COL4A2: variants seen among roughly 807,000 people sequenced by gnomAD.
COL4A2 encodes collagen alpha-2(IV) chain.
In COL4A2, 99 loss-of-function variants were observed where a neutral mutation model predicts 200.2. The ratio of observed to expected loss-of-function variants is 0.49; its 90% CI spans 0.42 to 0.58. COL4A2 has a LOEUF of 0.58. Ranked by LOEUF, COL4A2 falls within the 20% of genes least tolerant of loss-of-function variation. COL4A2 has a pLI of 0.00. For synonymous variants in COL4A2, 897 were observed against 900.6 expected (o/e 1.00, Z 0.07); for missense variants, 1,950 against 2,314.1 (o/e 0.84, Z 3.23).
intron 4 of COL4A2, among the ~76,000 whole-genome samples, chr13:110,390,758 GAGAAGCGACAGGGCAGCC>G: frequency 2.1e-5 from 1 of 48,418 alleles, no homozygotes; most frequent in African/African-American, 1.3e-4. Flanking sequence ...GTACAGGCCT[GAGAAGCGACAGGGCAGCC>G]TGCGGTTACA....
chr13:110,496,311 C>T (rs151105538), intron 40 of COL4A2, among the ~76,000 whole-genome samples: 24 of 152,334 alleles, frequency 1.6e-4, no homozygotes, highest in South Asian at 6.2e-4. Context: ...AGGGATGTCT[C>T]GAGGCTTGCA....
At chr13:110,369,598 C>A (rs150939354) in intron 4 of COL4A2, among the ~76,000 whole-genome samples, 1 of 152,144 alleles carries the variant, frequency 6.6e-6, no homozygotes, top group Non-Finnish European at 1.5e-5. Flanking sequence ...GAATGCCCAT[C>A]GGTAGCACTC....
chr13:110,336,679 AG>A (rs1876206644), intron 3 of COL4A2, among the ~76,000 whole-genome samples: 1 of 152,184 alleles, frequency 6.6e-6, no homozygotes, highest in African/African-American at 2.4e-5. Context: ...CATGGACCTC[AG>A]GGGGTGGCAT....
At chr13:110,490,668 G>T (rs8002268) in intron 36 of COL4A2, among the ~76,000 whole-genome samples, 1 of 152,096 alleles carries the variant, frequency 6.6e-6, no homozygotes, top group African/African-American at 2.4e-5. Flanking sequence ...GCCATCCGGC[G>T]CTGGGCTGGC....
At chr13:110,463,295 G>A (rs1882106582) in intron 24 of COL4A2, 1 of 152,056 alleles carries the variant, frequency 6.6e-6, no homozygotes, top group East Asian at 1.9e-4. Context: ...TCTGTCTCTG[G>A]GCCCAAATTT....
chr13:110,417,831 G>A (rs1256356521), intron 4 of COL4A2, among the ~76,000 whole-genome samples: 1 of 152,022 alleles, frequency 6.6e-6, no homozygotes, highest in Non-Finnish European at 1.5e-5. Context: ...AATCCCAGGA[G>A]TGAGCTAATT....
intron 4 of COL4A2, among the ~76,000 whole-genome samples, chr13:110,390,019 G>T (rs752758483): frequency 6.6e-6 from 1 of 152,132 alleles, no homozygotes; most frequent in Non-Finnish European, 1.5e-5. Context: ...TTTATTAAAT[G>T]CCTATTTTAT....
At chr13:110,367,063 G>C (rs1877786121) in intron 4 of COL4A2, among the ~76,000 whole-genome samples, 1 of 152,150 alleles carries the variant, frequency 6.6e-6, no homozygotes, top group Admixed American at 6.5e-5. Flanking sequence ...GTCCAGCCTA[G>C]AGGTTTGCAT....
intron 4 of COL4A2, among the ~76,000 whole-genome samples, chr13:110,379,471 G>A (rs1878376062): frequency 6.6e-6 from 1 of 152,208 alleles, no homozygotes; most frequent in African/African-American, 2.4e-5. Context: ...CCTACTGTGT[G>A]TCAGGCTCTG....
intron 3 of COL4A2, among the ~76,000 whole-genome samples, chr13:110,311,223 G>A (rs957523545): frequency 3.3e-5 from 5 of 152,184 alleles, no homozygotes; most frequent in African/African-American, 4.8e-5. Context: ...AAAGGAAGCC[G>A]AAATCCCACG....
At chr13:110,316,883 G>A (rs950082865) in intron 3 of COL4A2, among the ~76,000 whole-genome samples, 1 of 152,130 alleles carries the variant, frequency 6.6e-6, no homozygotes, top group African/African-American at 2.4e-5. Flanking sequence ...TGTGGTACAT[G>A]TAAAACATAG....
Position 110,429,891 on chromosome 13 carries a change from C to G in COL4A2, c.484C>G (p.Gln162Glu). ...CAATATATCTGCTAATTAGGGGCCC[C>G]AAGGACCAAAAGGGCAGAAAGGTGA... The part of the protein sequence containing the change: ...SEGFTGPPGP[Q>E]GPKGQKGEPY... Residue 162 changes from glutamine to glutamate, a missense_variant, in exon 8 of 48, where the codon CAA becomes GAA. Gln to Glu is a conservative substitution (Grantham distance 29). Transcript: ENST00000360467. 2 of 1,612,920 alleles carry G rather than the reference C, an allele frequency of 1.2e-6. No homozygotes were observed. The highest frequency in any genetic ancestry group is 1.7e-6 in the Non-Finnish European group (2 of 1,179,592).
intron 27 of COL4A2, among the ~76,000 whole-genome samples, chr13:110,468,774 C>G (rs1200265592): frequency 1.3e-5 from 2 of 152,112 alleles, no homozygotes; most frequent in African/African-American, 4.8e-5. Context: ...TTCTGGAGCC[C>G]ACACACTGGG....
At chr13:110,373,731 ACT>A (rs1878116758) in intron 4 of COL4A2, among the ~76,000 whole-genome samples, 1 of 152,054 alleles carries the variant, frequency 6.6e-6, no homozygotes, top group Non-Finnish European at 1.5e-5. Flanking sequence ...ATTATATCAA[ACT>A]CTGCCAAACT....
chr13:110,397,521 A>T (rs1400822976), intron 4 of COL4A2, among the ~76,000 whole-genome samples: 1 of 152,230 alleles, frequency 6.6e-6, no homozygotes, highest in Non-Finnish European at 1.5e-5. Flanking sequence ...AGTTTTTAAG[A>T]ACATCGTAGG....
At chr13:110,341,436 G>A (rs1295620330) in intron 3 of COL4A2, among the ~76,000 whole-genome samples, 1 of 152,234 alleles carries the variant, frequency 6.6e-6, no homozygotes, top group African/African-American at 2.4e-5. Flanking sequence ...AGGATTTACT[G>A]TTCAGGGCTG....
intron 47 of COL4A2, among the ~76,000 whole-genome samples, chr13:110,510,548 G>C (rs1884048751): frequency 6.6e-6 from 1 of 152,258 alleles, no homozygotes; most frequent in African/African-American, 2.4e-5. Flanking sequence ...ACATTGGAAA[G>C]GGTGCGTGTG....
intron 12 of COL4A2, 91 bp downstream of exon 12, chr13:110,434,533 A>T (rs1880801105): frequency 2.2e-6 from 3 of 1,351,166 alleles, no homozygotes; most frequent in Non-Finnish European, 3.1e-6. Flanking sequence ...TGTGCTGTAA[A>T]ACTTTTACCT....
intron 29 of COL4A2, among the ~76,000 whole-genome samples, chr13:110,476,477 G>A (rs1368844679): frequency 2.0e-5 from 3 of 152,228 alleles, no homozygotes; most frequent in South Asian, 2.1e-4. Context: ...GCAGGTTGAC[G>A]TGGTCAGACA....
Sources: allele counts gnomAD v4.1 joint callset (sites outside exome capture counted in the v4.1 genomes callset), GRCh38; gene constraint gnomAD v4.1.1; transcripts MANE v1.5; gene names NCBI Gene and HGNC (gene_info 2026-07-23, HGNC 2026-07-21).